KCNMA1: variants seen among roughly 807,000 people sequenced by gnomAD.
KCNMA1 encodes the protein Calcium-activated potassium channel subunit alpha-1.
In KCNMA1, 29 loss-of-function variants were observed where a neutral mutation model predicts 140.0. The observed-to-expected ratio is 0.21, with a 90% confidence interval of 0.15 to 0.28. KCNMA1 has a LOEUF of 0.28. Among genes scored for constraint, KCNMA1 ranks in the 10% least tolerant of loss-of-function variants. The probability of loss-of-function intolerance (pLI) is 1.00; values close to 1 mark genes in which losing one functional copy is unlikely to be tolerated. For missense variants in KCNMA1, 880 were observed against 1,602.2 expected, an observed-to-expected ratio of 0.55 and a Z score of 7.70; for synonymous variants, 612 against 611.9, an observed-to-expected ratio of 1.00 and a Z score of 0.00.
chr10:77,229,533 T>C (rs2052812672), intron 3 of KCNMA1, among the ~76,000 whole-genome samples: 1 of 152,182 alleles, frequency 6.6e-6, no homozygotes. Flanking sequence ...CACCCCAGTA[T>C]ATTATTGCTG....
At chr10:77,454,469 G>A (rs549704522) in intron 1 of KCNMA1, among the ~76,000 whole-genome samples, 16 of 152,256 alleles carry the variant, frequency 1.1e-4, no homozygotes, top group South Asian at 4.2e-4. Context: ...CTCCCATCTC[G>A]TTCATCTTCT....
intron 1 of KCNMA1, among the ~76,000 whole-genome samples, chr10:77,529,796 T>C (rs1249505099): frequency 6.6e-6 from 1 of 151,974 alleles, no homozygotes; most frequent in East Asian, 1.9e-4. Context: ...ACGTGGGCCT[T>C]TGTCAGGAAA....
chr10:77,585,187 C>T (rs2076927952), intron 1 of KCNMA1, among the ~76,000 whole-genome samples: 1 of 152,192 alleles, frequency 6.6e-6, no homozygotes, highest in Non-Finnish European at 1.5e-5. Flanking sequence ...GCCACTCAGA[C>T]TATCGGGGGA....
intron 3 of KCNMA1, among the ~76,000 whole-genome samples, chr10:77,202,625 C>T (rs2042821038): frequency 6.6e-6 from 1 of 151,724 alleles, no homozygotes; most frequent in Non-Finnish European, 1.5e-5. Context: ...CTAAGAGCTA[C>T]TTAGATTTTA....
At chr10:77,576,098 C>T (rs981133734) in intron 1 of KCNMA1, among the ~76,000 whole-genome samples, 3 of 152,202 alleles carry the variant, frequency 2.0e-5, no homozygotes, top group Admixed American at 6.5e-5. Flanking sequence ...TGTGCACATC[C>T]GGACGCATCT....
chr10:77,506,628 GGAGAGAGACAGAGAGGGA>G, intron 1 of KCNMA1, among the ~76,000 whole-genome samples: 1 of 44,890 alleles, frequency 2.2e-5, no homozygotes, highest in South Asian at 7.8e-4. Context: ...TGTTAGAGAG[GGAGAGAGACAGAGAGGGA>G]GAGAGAGAGA....
intron 14 of KCNMA1, among the ~76,000 whole-genome samples, chr10:77,045,676 T>C (rs2095004250): frequency 6.6e-6 from 1 of 152,240 alleles, no homozygotes. Flanking sequence ...GTGTCACTAA[T>C]GGTGGGTTGG....
chr10:76,900,074 C>A (rs1027177395), intron 25 of KCNMA1, among the ~76,000 whole-genome samples: 1 of 151,846 alleles, frequency 6.6e-6, no homozygotes, highest in Non-Finnish European at 1.5e-5. Flanking sequence ...TTTTAATTGG[C>A]TTTTTCATAC....
chr10:77,622,782 A>T (rs1463954614), intron 1 of KCNMA1, among the ~76,000 whole-genome samples: 2 of 152,080 alleles, frequency 1.3e-5, no homozygotes, highest in African/African-American at 4.8e-5. Context: ...GTTTGTTCTG[A>T]TTTTTTTTCC....
At chr10:77,252,525 T>TTG (rs139774027) in intron 2 of KCNMA1, among the ~76,000 whole-genome samples, 34,263 of 145,558 alleles carry the variant, frequency 0.24, 4,103 homozygotes, top group Middle Eastern at 0.28. Flanking sequence ...TGATCAAGCT[T>TTG]TGTGTGTGTG....
intron 2 of KCNMA1, among the ~76,000 whole-genome samples, chr10:77,393,007 C>G (rs1238418949): frequency 6.6e-6 from 1 of 152,242 alleles, no homozygotes; most frequent in Admixed American, 6.5e-5. Flanking sequence ...GAGCCCAGCC[C>G]GTTCTCCAGT....
intron 5 of KCNMA1, among the ~76,000 whole-genome samples, chr10:77,174,004 C>T (rs1212187985): frequency 1.3e-5 from 2 of 152,184 alleles, no homozygotes; most frequent in Non-Finnish European, 2.9e-5. Flanking sequence ...TGGCCCCCTT[C>T]CCCTCTCCCC....
At chr10:77,325,516 T>C (rs1479532836) in intron 2 of KCNMA1, among the ~76,000 whole-genome samples, 1 of 152,136 alleles carries the variant, frequency 6.6e-6, no homozygotes, top group African/African-American at 2.4e-5. Flanking sequence ...ATGTTCTCCG[T>C]GTACTTACTC....
chr10:77,051,586 T>C (rs1158598423), intron 14 of KCNMA1, among the ~76,000 whole-genome samples: 4 of 152,196 alleles, frequency 2.6e-5, no homozygotes, highest in Non-Finnish European at 5.9e-5. Context: ...GGTTCAGAGA[T>C]TGAAAGTGGG....
intron 5 of KCNMA1, among the ~76,000 whole-genome samples, chr10:77,137,135 GC>G (rs56118767): frequency 0.87 from 133,041 of 152,052 alleles, 58,219 homozygotes; most frequent in Admixed American, 0.92. Flanking sequence ...CTCATTCACT[GC>G]TTCAGGGTTC....
intron 1 of KCNMA1, 85 bp downstream of exon 1, chr10:77,637,180 G>A: frequency 3.0e-6 from 4 of 1,339,730 alleles, no homozygotes; most frequent in Non-Finnish European, 4.1e-6. Flanking sequence ...GGCACGGCGC[G>A]GCGCGGAGCG....
intron 1 of KCNMA1, among the ~76,000 whole-genome samples, chr10:77,599,771 A>G (rs2082060357): frequency 4.6e-5 from 7 of 152,120 alleles, no homozygotes; most frequent in Admixed American, 4.6e-4. Context: ...CCTCTACCCA[A>G]TACTGCCTTT....
intron 2 of KCNMA1, among the ~76,000 whole-genome samples, chr10:77,329,001 C>T (rs1199053063): frequency 1.3e-5 from 2 of 151,858 alleles, no homozygotes; most frequent in Non-Finnish European, 2.9e-5. Context: ...CCACCATGCC[C>T]GGCTAATTTT....
intron 1 of KCNMA1, among the ~76,000 whole-genome samples, chr10:77,566,840 A>G (rs1027850538): frequency 1.1e-4 from 17 of 152,158 alleles, no homozygotes; most frequent in Admixed American, 2.0e-4. Context: ...CAGAGAGACA[A>G]TAAGGGAAGT....
Sources: gnomAD v4.1 joint callset for allele counts (sites outside exome capture counted in the v4.1 genomes callset) on GRCh38, gnomAD v4.1.1 for gene constraint, MANE v1.5 for transcripts, NCBI Gene and HGNC (gene_info 2026-07-23, HGNC 2026-07-21) for gene names.